TMEM217: variants seen among roughly 807,000 people sequenced by gnomAD.
TMEM217 encodes the protein transmembrane protein 217, also known as chromosome 6 open reading frame 128.
For missense variants in TMEM217, 204 were observed against 248.8 expected (o/e 0.82, Z 1.21); for synonymous variants, 76 against 88.3 (o/e 0.86, Z 0.78).
chr6:37,217,405 C>A (rs1763267560), downstream of TMEM217, among the ~76,000 whole-genome samples: 2 of 152,202 alleles, frequency 1.3e-5, no homozygotes, highest in African/African-American at 4.8e-5. Context: ...CTAATTGATT[C>A]ATAAACAATA....
chr6:37,233,223 A>T (rs1764303991), intron 1 of TMEM217, among the ~76,000 whole-genome samples: 1 of 146,266 alleles, frequency 6.8e-6, no homozygotes, highest in African/African-American at 2.6e-5. Context: ...CCATTTCCCC[A>T]TGTACCTTCC....
chr6:37,219,135 G>T, intron 1 of TMEM217, 94 bp from the exon 2 acceptor site: 1 of 1,141,252 alleles, frequency 8.8e-7, no homozygotes, highest in Non-Finnish European at 1.3e-6. Flanking sequence ...CTACTTTGGA[G>T]AAATATAGAC....
intron 1 of TMEM217, among the ~76,000 whole-genome samples, chr6:37,242,845 C>T (rs1242256093): frequency 6.6e-6 from 1 of 152,190 alleles, no homozygotes; most frequent in African/African-American, 2.4e-5. Context: ...CCCAGTGACT[C>T]ACACCAGTAT....
At chr6:37,216,747 G>C (rs1763226775), downstream of TMEM217, among the ~76,000 whole-genome samples, 2 of 152,228 alleles carry the variant, frequency 1.3e-5, no homozygotes, top group South Asian at 4.1e-4. Context: ...TAAAAGATGG[G>C]GCCTTTAGGA....
chr6:37,252,709 G>C (rs1433556615), intron 1 of TMEM217, among the ~76,000 whole-genome samples: 2 of 143,476 alleles, frequency 1.4e-5, no homozygotes, highest in South Asian at 2.2e-4. Context: ...GCACAATCTC[G>C]GCTCCCTGCA....
chr6:37,218,018 G>C (rs759988239), exon 2 of TMEM217: 1 of 991,828 alleles, frequency 1.0e-6, no homozygotes, highest in Non-Finnish European at 1.2e-6. Context: ...TCTCCTGAAA[G>C]AGTGGCAGTA....
At chr6:37,253,283 T>C (rs1765550004) in intron 1 of TMEM217, among the ~76,000 whole-genome samples, 1 of 152,210 alleles carries the variant, frequency 6.6e-6, no homozygotes, top group African/African-American at 2.4e-5. Flanking sequence ...TTCCCCTGTT[T>C]ATTATTGGTT....
exon 2 of TMEM217, chr6:37,218,654 A>C: frequency 6.2e-7 from 1 of 1,614,190 alleles, no homozygotes; most frequent in Non-Finnish European, 8.5e-7. Flanking sequence ...CCAGCGCATG[A>C]TTCTGACCTC....
At chr6:37,224,612 AACG>A (rs1478900945) in intron 1 of TMEM217, among the ~76,000 whole-genome samples, 2 of 52,126 alleles carry the variant, frequency 3.8e-5, no homozygotes, top group Non-Finnish European at 9.9e-5. Flanking sequence ...CAAACAAACA[AACG>A]AAAAAAAAAC....
intron 1 of TMEM217, among the ~76,000 whole-genome samples, chr6:37,240,424 C>T (rs1228371068): frequency 2.6e-5 from 4 of 152,232 alleles, no homozygotes; most frequent in Non-Finnish European, 4.4e-5. Context: ...TTCCTCACCT[C>T]CTGGGCCTTT....
chr6:37,215,496 G>A (rs566161880), downstream of TMEM217, among the ~76,000 whole-genome samples: 69 of 140,468 alleles, frequency 4.9e-4, no homozygotes, highest in African/African-American at 1.8e-3. Flanking sequence ...ATCAGGACCC[G>A]GGAGGTAGAG....
chr6:37,216,475 G>A (rs1280895988), downstream of TMEM217, among the ~76,000 whole-genome samples: 1 of 152,164 alleles, frequency 6.6e-6, no homozygotes, highest in Non-Finnish European at 1.5e-5. Context: ...GAGAGGCTAT[G>A]GAAGGAAATA....
chr6:37,221,005 TA>T (rs1763480666), intron 1 of TMEM217, among the ~76,000 whole-genome samples: 1 of 152,164 alleles, frequency 6.6e-6, no homozygotes, highest in Non-Finnish European at 1.5e-5. Flanking sequence ...GACAGTTTAG[TA>T]GTGTTAAGTA....
intron 1 of TMEM217, among the ~76,000 whole-genome samples, chr6:37,248,384 T>C (rs1199068250): frequency 1.3e-5 from 2 of 152,210 alleles, no homozygotes; most frequent in Non-Finnish European, 2.9e-5. Context: ...CTGCATTGAA[T>C]TGAGGTCAAC....
At chr6:37,212,424 C>G (rs1445470720) in exon 4 of TMEM217, 1 of 415,002 alleles carries the variant, frequency 2.4e-6, no homozygotes, top group Non-Finnish European at 4.9e-6. Flanking sequence ...TTCAGTTTAA[C>G]TTCCGGTACA....
chr6:37,229,427 C>G (rs1764066092), intron 1 of TMEM217, among the ~76,000 whole-genome samples: 1 of 134,900 alleles, frequency 7.4e-6, no homozygotes, highest in Non-Finnish European at 1.5e-5. Context: ...ACTGCAAGCT[C>G]CGCCTCCCGG....
intron 1 of TMEM217, among the ~76,000 whole-genome samples, chr6:37,228,332 T>C (rs1484586622): frequency 6.6e-6 from 1 of 152,226 alleles, no homozygotes; most frequent in Non-Finnish European, 1.5e-5. Flanking sequence ...CAAATTTCCT[T>C]AATAGGTTGT....
intron 1 of TMEM217, among the ~76,000 whole-genome samples, chr6:37,226,597 G>A (rs765152814): frequency 1.3e-5 from 2 of 149,760 alleles, no homozygotes; most frequent in Admixed American, 6.6e-5. Flanking sequence ...GCGCCCGGCC[G>A]AGACAGAGTC....
chr6:37,215,174 A>T (rs781556719), downstream of TMEM217: 2 of 1,611,550 alleles, frequency 1.2e-6, no homozygotes, highest in Admixed American at 1.7e-5. Flanking sequence ...GTCCTCTGGT[A>T]CATTCTATTC....
Sources: allele counts gnomAD v4.1 joint callset (sites outside exome capture counted in the v4.1 genomes callset), GRCh38; gene constraint gnomAD v4.1.1; transcripts MANE v1.5; gene names NCBI Gene and HGNC (gene_info 2026-07-23, HGNC 2026-07-21).